The following PCDHGA5 variants were observed in gnomAD, a reference collection of about 807,000 sequenced individuals.
PCDHGA5 encodes protocadherin gamma subfamily A, 5.
Under a neutral mutation model 56.7 loss-of-function variants are expected in PCDHGA5, and 36 were observed. The ratio of observed to expected loss-of-function variants is 0.64; its 90% CI spans 0.49 to 0.84. The LOEUF (loss-of-function observed/expected upper bound fraction) is 0.84, where lower values mean the gene tolerates loss of function less well. PCDHGA5 is among the 40% of genes least tolerant of loss of function. The pLI is 0.00. For synonymous variants in PCDHGA5, 563 were observed against 520.2 expected (o/e 1.08, Z -1.12); for missense variants, 1,305 against 1,201.5 (o/e 1.09, Z -1.27).
chr5:141,371,078 C>T lies in PCDHGA5; in HGVS notation c.2421+4327C>T, dbSNP rs776361776. Reference sequence around the variant, plus strand: ...CCTCCAGAAGCTGTACCACCCAGATCAGGGTAATTGTCGCAGATGCAAATG... The same window carrying T: ...CCTCCAGAAGCTGTACCACCCAGATTAGGGTAATTGTCGCAGATGCAAATG... On this transcript the variant is annotated intron_variant, in intron 1 of 3. Transcript: ENST00000518069. 1.9e-6 allele frequency: 3 copies of T among 1,613,770 alleles called. No homozygotes were observed. In the African/African-American group the frequency reaches 4.0e-5, roughly 22 times the overall value.
Position 141,489,090 on chromosome 5 carries a change from C to CCAA in PCDHGA5, c.2422-5717_2422-5716insCAA, listed in dbSNP as rs2099682444. 1 of 328,824 alleles carries CCAA rather than the reference C, an allele frequency of 3.0e-6. No individual in the cohort carries two copies. Among genetic ancestry groups the CCAA allele is most frequent in the Admixed American group, 6.1e-5 (1 of 16,500 alleles). The allele number at this position is 328,824 out of a possible 1,614,324, so 20.4% of individuals were successfully genotyped here. ...CCTGCCCACCCCCGCCACTCGGTGA[C>CCAA]TAAGAACTGCTGCAAGCAGGCAAAC... On this transcript the variant is annotated intron_variant, in intron 1 of 3. Transcript: ENST00000518069. This position sits in a 1 kb window ranked among gnomAD's most constrained non-coding sequence, Gnocchi z 4.5.
rs1212248484 is a variant in PCDHGA5 at position 141,393,163 on chromosome 5, T to C, written c.2421+26412T>C. ...CTGGTTGAGGATAAAGGAAAACTCT[T>C]TGGGGTAGAAATAGAAATAATTGAT... On this transcript the variant is annotated intron_variant, in intron 1 of 3. Transcript: ENST00000518069. 1.9e-6 allele frequency: 3 copies of C among 1,613,134 alleles called. No homozygotes were observed. In the Admixed American group the frequency reaches 5.0e-5, roughly 27 times the overall value.
Position 141,477,856 on chromosome 5 carries a change from G to T in PCDHGA5, c.2422-16951G>T, listed in dbSNP as rs773703641. ...CAGGTGGGAGCTCGGTGGAGATGCTGCCTCGAGGTACCTCAGCTGGCCACC... is the reference window on the plus strand; with the variant it reads ...CAGGTGGGAGCTCGGTGGAGATGCTTCCTCGAGGTACCTCAGCTGGCCACC... On this transcript the variant is annotated intron_variant, in intron 1 of 3. Coordinates refer to ENST00000518069, the MANE Select transcript of PCDHGA5 (RefSeq NM_018918.3). This position sits in a 1 kb window ranked among gnomAD's most constrained non-coding sequence, Gnocchi z 4.9. 1 of 1,613,474 alleles carries T rather than the reference G, an allele frequency of 6.2e-7. No homozygotes were observed. Among genetic ancestry groups the T allele is most frequent in the Non-Finnish European group, 8.5e-7 (1 of 1,179,854 alleles).
In PCDHGA5 at chr5:141,511,261, G is replaced by A; in HGVS notation, c.*88G>A. On this transcript the variant is annotated 3_prime_UTR_variant, in exon 4 of 4. Transcript: ENST00000518069. The stretch of plus-strand genomic sequence containing the variant: ...CTGCACCCAGGCCTCAGAGTTTCAG[G>A]GCTAACCCCCAGAATACTGGTAGGG... 2 of 1,557,474 alleles carry A rather than the reference G, an allele frequency of 1.3e-6. No homozygotes were observed. The highest frequency in any genetic ancestry group is 1.4e-5 in the African/African-American group (1 of 73,440).
Position 141,486,817 on chromosome 5 carries a change from T to A in PCDHGA5, c.2422-7990T>A, listed in dbSNP as rs143638501. On this transcript the variant is annotated intron_variant, in intron 1 of 3. Transcript: ENST00000518069. The surrounding 1 kb of genome is among the most constrained non-coding windows in gnomAD (Gnocchi z 5.0). ...GGGGCAACCCACCCCTTAGCAGCAC[T>A]GTAACAGTTCGTCTATTTGTGCTGG... 1 of 1,614,102 alleles carries A rather than the reference T, an allele frequency of 6.2e-7. No homozygotes were observed. Among genetic ancestry groups the A allele is most frequent in the East Asian group, 2.2e-5 (1 of 44,898 alleles).
chr5:141,397,573 T>C (rs1196804839), intron 1 of PCDHGA5, among the ~76,000 whole-genome samples: 1 of 152,212 alleles, frequency 6.6e-6, no homozygotes, highest in African/African-American at 2.4e-5. Flanking sequence ...GAGCAAGAAC[T>C]GTATCATATT....
At chr5:141,376,676 G>GTTTTTTTTTTTTTTTTTTTTTT (rs67197835) in intron 1 of PCDHGA5, 1 of 275,800 alleles carries the variant, frequency 3.6e-6, no homozygotes, top group Non-Finnish European at 6.2e-6. Context: ...TGAGGGTATC[G>GTTTTTTTTTTTTTTTTTTTTTT]TTTTTTTTTT....
chr5:141,408,302 C>T (rs1017556555), intron 1 of PCDHGA5: 1 of 1,613,780 alleles, frequency 6.2e-7, no homozygotes, highest in Non-Finnish European at 8.5e-7. Context: ...TGAGCCGATC[C>T]GCTACTCGAT....
chr5:141,474,551 C>G (rs1032524620), intron 1 of PCDHGA5, among the ~76,000 whole-genome samples: 35 of 152,312 alleles, frequency 2.3e-4, no homozygotes, highest in Non-Finnish European at 3.5e-4. Flanking sequence ...GCATTTAAAA[C>G]TGGGGGTTTT....
At chr5:141,392,571 G>A (rs920993262) in intron 1 of PCDHGA5, 5 of 449,626 alleles carry the variant, frequency 1.1e-5, no homozygotes, top group African/African-American at 1.0e-4. Flanking sequence ...TAACTATTTA[G>A]GACTGTAAGC....
At chr5:141,403,662 A>T in intron 1 of PCDHGA5, 1 of 1,613,902 alleles carries the variant, frequency 6.2e-7, no homozygotes, top group Non-Finnish European at 8.5e-7. Context: ...GATACAAATG[A>T]TAATGCCCCG....
intron 1 of PCDHGA5, chr5:141,375,967 G>A (rs200712802): frequency 2.6e-5 from 42 of 1,613,250 alleles, no homozygotes; most frequent in Non-Finnish European, 3.5e-5. Flanking sequence ...AGGTGCGCAC[G>A]GCGCGCGCCC....
At chr5:141,428,290 C>G in intron 1 of PCDHGA5, 2 of 726,802 alleles carry the variant, frequency 2.8e-6, no homozygotes, top group Non-Finnish European at 4.8e-6. Context: ...CCAAGCAAAG[C>G]TGCAGATTTA....
chr5:141,487,404 C>T lies in PCDHGA5; in HGVS notation c.2422-7403C>T, dbSNP rs771371344. ...AGATCTCGAAGGAGGGAGGGGCTTC[C>T]CCCTTCCAATGGGATCCTCCGAATC... On this transcript the variant is annotated intron_variant, in intron 1 of 3. Transcript: ENST00000518069. The surrounding 1 kb of genome is among the most constrained non-coding windows in gnomAD (Gnocchi z 5.0). 2 of 1,614,178 alleles carry T rather than the reference C, an allele frequency of 1.2e-6. No homozygotes were observed. Among genetic ancestry groups the T allele is most frequent in the Non-Finnish European group, 8.5e-7 (1 of 1,180,032 alleles).
chr5:141,487,921 A>G lies in PCDHGA5; in HGVS notation c.2422-6886A>G, dbSNP rs17097340. On this transcript the variant is annotated intron_variant, in intron 1 of 3. Coordinates refer to ENST00000518069, the MANE Select transcript of PCDHGA5 (RefSeq NM_018918.3). This position sits in a 1 kb window ranked among gnomAD's most constrained non-coding sequence, Gnocchi z 5.0. ...GGAATGTGGGAGCACAGGAGGCTAC[A>G]GTGCACAGGGTACAGTGCACCAGGC... 0.15 allele frequency: 93,556 copies of G among 639,124 alleles called. 7,160 individuals carry two copies. The highest frequency in any genetic ancestry group is 0.21 in the African/African-American group (11,270 of 54,532). 39.6% of individuals were successfully genotyped at this position (639,124 alleles called of 1,614,324 possible).
Position 141,366,021 on chromosome 5 carries a change from A to G in PCDHGA5, c.1691A>G (p.Tyr564Cys), listed in dbSNP as rs1165223117. ...AACGACAATACGCCTGAGATCCTGT[A>G]CCCCGCCCTCCCCACAGACGGTTCC... ...DQNDNTPEIL[Y>C]PALPTDGSTG... Residue 564 changes from tyrosine (Y) to cysteine (C), a missense_variant, in exon 1 of 4, where the codon TAC (tyrosine) becomes TGC (cysteine). Physicochemically the swap from Tyr to Cys is radical, Grantham distance 194. Transcript: ENST00000518069. 1.9e-6 allele frequency: 3 copies of G among 1,614,092 alleles called. No individual in the cohort carries two copies. Among genetic ancestry groups the G allele is most frequent in the Non-Finnish European group, 1.7e-6 (2 of 1,180,012 alleles).
chr5:141,505,338 G>T, intron 2 of PCDHGA5, 55 bp from the exon 3 acceptor site: 1 of 1,612,254 alleles, frequency 6.2e-7, no homozygotes, highest in South Asian at 1.1e-5. Flanking sequence ...GGACAGGAGG[G>T]GCATGAGCTG....
chr5:141,414,554 C>G (rs1184557964), intron 1 of PCDHGA5: 3 of 1,613,880 alleles, frequency 1.9e-6, no homozygotes, highest in East Asian at 2.2e-5. Context: ...TCTCAAGTCT[C>G]CTACTTTACC....
In PCDHGA5 at chr5:141,486,056, C is replaced by T; in HGVS notation, c.2422-8751C>T. 6.2e-7 allele frequency: 1 copy of T among 1,614,170 alleles called. No homozygotes were observed. The highest frequency in any genetic ancestry group is 8.5e-7 in the Non-Finnish European group (1 of 1,180,026). ...TGATCGTGTAAGAAACCTCTTTAGC[C>T]TGCACCCCACTACTGGAAAGCTTAC... On this transcript the variant is annotated intron_variant, in intron 1 of 3. Transcript: ENST00000518069. The surrounding 1 kb of genome is among the most constrained non-coding windows in gnomAD (Gnocchi z 5.0).
Sources: allele counts gnomAD v4.1 joint callset (sites outside exome capture counted in the v4.1 genomes callset), GRCh38; gene constraint gnomAD v4.1.1; non-coding constraint Gnocchi (gnomAD v3.1); transcripts MANE v1.5; gene names NCBI Gene and HGNC (gene_info 2026-07-23, HGNC 2026-07-21).